The following MYH9 variants were observed in gnomAD, a reference collection of about 807,000 sequenced individuals.
The protein encoded by MYH9 is myosin-9.
A neutral mutation model predicts 241.9 loss-of-function variants in MYH9; 29 were observed. The ratio of observed to expected loss-of-function variants is 0.12; its 90% CI spans 0.09 to 0.16. MYH9 has a LOEUF of 0.16. MYH9 is among the 10% of genes least tolerant of loss of function. The pLI is 1.00. For synonymous variants in MYH9, 1,047 were observed against 1,062.6 expected (o/e 0.99, Z 0.29); for missense variants, 1,803 against 2,595.5 (o/e 0.69, Z 6.63).
At chr22:36,307,888 CAAA>C (rs1402314098) in intron 15 of MYH9, among the ~76,000 whole-genome samples, 2 of 104,934 alleles carry the variant, frequency 1.9e-5, no homozygotes, top group Non-Finnish European at 2.0e-5. Context: ...AACTCTGTCT[CAAA>C]AAAAAAAAAA....
rs1477476910 is a variant in MYH9 at position 36,294,075 on chromosome 22, C to G, written c.3837+17G>C. The G allele has an allele frequency of 6.2e-7, 1 of 1,606,320 alleles. No homozygotes were observed. Among genetic ancestry groups the G allele is most frequent in the Non-Finnish European group, 8.5e-7 (1 of 1,179,972 alleles). ...TAGGGCCCACTGCCCGCGCCAGGGT[C>G]CTGGCGGAGGCCTCACCTGCAGCTT... On this transcript the variant is annotated intron_variant, in intron 28 of 40. Coordinates refer to ENST00000216181, the MANE Select transcript of MYH9 (RefSeq NM_002473.6).
At chr22:36,350,030 A>T (rs112686138) in intron 1 of MYH9, among the ~76,000 whole-genome samples, 1 of 152,212 alleles carries the variant, frequency 6.6e-6, no homozygotes, top group Non-Finnish European at 1.5e-5. Context: ...AAAATAAAAC[A>T]TCAGTACATG....
At chr22:36,338,927 G>A (rs995970121) in intron 3 of MYH9, among the ~76,000 whole-genome samples, 1 of 152,216 alleles carries the variant, frequency 6.6e-6, no homozygotes, top group Admixed American at 6.5e-5. Flanking sequence ...AAGAGACCCT[G>A]AATTGCACAG....
Position 36,288,048 on chromosome 22 carries a change from C to T in MYH9, c.4932+204G>A, listed in dbSNP as rs1300436727. On this transcript the variant is annotated intron_variant, in intron 34 of 40. Coordinates refer to ENST00000216181, the MANE Select transcript of MYH9 (RefSeq NM_002473.6). This position sits in a 1 kb window ranked among gnomAD's most constrained non-coding sequence, Gnocchi z 4.8. ...ATGTACCCAGTCATACACCGTTTTG[C>T]AAGTTTGCTGTTGGACTATCATGTT... Among the ~76,000 whole-genome samples the T allele has an allele frequency of 2.0e-5, 3 of 152,210 alleles. No homozygotes were observed. The highest frequency in any genetic ancestry group is 4.4e-5 in the Non-Finnish European group (3 of 68,034).
At position 36,293,404 on chromosome 22, in the gene MYH9, G is replaced by C; in HGVS notation, c.4020C>G (p.Ser1340=). 1 of 1,614,050 alleles carries C rather than the reference G, an allele frequency of 6.2e-7. No individual in the cohort carries two copies. The highest frequency in any genetic ancestry group is 8.5e-7 in the Non-Finnish European group (1 of 1,180,040). ...KLKQVEDEKN[S]FREQLEEEEE... is the part of the protein sequence containing the mutation. ...CCTCCTCCTCCAGCTGCTCCCGGAA[G>C]GAATTCTTCTCGTCCTCCACCTGCT... The change falls in exon 30 of 41, where the codon TCC becomes TCG. Residue 1340 remains serine (S), a synonymous_variant. Coordinates refer to ENST00000216181, the MANE Select transcript of MYH9 (RefSeq NM_002473.6). The surrounding 1 kb of genome is among the most constrained non-coding windows in gnomAD (Gnocchi z 5.1).
intron 24 of MYH9, 55 bp downstream of exon 24, chr22:36,298,864 G>A (rs1041474723): frequency 1.6e-4 from 249 of 1,606,166 alleles, no homozygotes; most frequent in Non-Finnish European, 2.0e-4. Flanking sequence ...GCCCCTGACC[G>A]CCAGCCCTTG....
intron 5 of MYH9, among the ~76,000 whole-genome samples, chr22:36,323,694 C>T (rs1337427301): frequency 6.6e-6 from 1 of 152,146 alleles, no homozygotes; most frequent in African/African-American, 2.4e-5. Context: ...TGGAAGCCCA[C>T]CTGAGACCAC....
At chr22:36,370,503 G>A (rs2018073285) in intron 1 of MYH9, among the ~76,000 whole-genome samples, 1 of 152,214 alleles carries the variant, frequency 6.6e-6, no homozygotes, top group South Asian at 2.1e-4. Flanking sequence ...AAGACATGAA[G>A]CAGTCCGCTG....
At chr22:36,328,301 G>A (rs2017367362) in intron 3 of MYH9, among the ~76,000 whole-genome samples, 1 of 152,220 alleles carries the variant, frequency 6.6e-6, no homozygotes, top group Non-Finnish European at 1.5e-5. Flanking sequence ...AGTACAGGAG[G>A]GGCAGTAATG....
intron 1 of MYH9, among the ~76,000 whole-genome samples, chr22:36,349,880 CCA>C (rs1454303994): frequency 6.6e-6 from 1 of 152,166 alleles, no homozygotes; most frequent in African/African-American, 2.4e-5. Flanking sequence ...AGCAAAGTAG[CCA>C]CACAGTTTGG....
intron 19 of MYH9, 92 bp from the exon 20 acceptor site, chr22:36,302,768 T>TA: frequency 9.0e-7 from 1 of 1,106,262 alleles, no homozygotes; most frequent in Non-Finnish European, 1.3e-6. Flanking sequence ...TCTGGGGGTC[T>TA]ACCCTTGCCT....
At chr22:36,336,408 T>A (rs1209754752) in intron 3 of MYH9, among the ~76,000 whole-genome samples, 2 of 152,206 alleles carry the variant, frequency 1.3e-5, no homozygotes, top group African/African-American at 2.4e-5. Context: ...CCACCTGAAC[T>A]TTACAGCAGA....
chr22:36,339,908 CAAAT>C (rs2017557415), intron 3 of MYH9, among the ~76,000 whole-genome samples: 1 of 152,128 alleles, frequency 6.6e-6, no homozygotes, highest in Non-Finnish European at 1.5e-5. Flanking sequence ...ACACTGCAGT[CAAAT>C]AAAGCACTAC....
chr22:36,305,598 T>A lies in MYH9; in HGVS notation c.2159+332A>T, dbSNP rs1323387256. 1.3e-5 allele frequency among the ~76,000 whole-genome samples: 2 copies of A among 152,254 alleles called. No homozygotes were observed. Among genetic ancestry groups the A allele is most frequent in the Non-Finnish European group, 2.9e-5 (2 of 68,052 alleles). On this transcript the variant is annotated intron_variant, in intron 17 of 40. Transcript: ENST00000216181. This position sits in a 1 kb window ranked among gnomAD's most constrained non-coding sequence, Gnocchi z 4.7. ...CCGTGTTTCATTTCCACAAAGTTCC[T>A]GTAATATCCTAGGTCTCTGGCTGAT...
In MYH9 at chr22:36,320,776, A is replaced by G. The variant is rs2017237519; in HGVS notation, c.868+22T>C. ...CCCAGAGCCCGGCAGCCCCGGTGTC[A>G]GGCTGCAGGCCAACTACTCACTCTT... On this transcript the variant is annotated intron_variant, in intron 8 of 40. Coordinates refer to ENST00000216181, the MANE Select transcript of MYH9 (RefSeq NM_002473.6). This position sits in a 1 kb window ranked among gnomAD's most constrained non-coding sequence, Gnocchi z 4.8. 1.3e-6 allele frequency: 2 copies of G among 1,575,096 alleles called. No individual in the cohort carries two copies. The highest frequency in any genetic ancestry group is 2.2e-5 in the South Asian group (2 of 90,204).
chr22:36,320,563 G>A lies in MYH9; in HGVS notation c.869-200C>T, dbSNP rs535588984. 1.3e-5 allele frequency among the ~76,000 whole-genome samples: 2 copies of A among 152,292 alleles called. No individual in the cohort carries two copies. The highest frequency in any genetic ancestry group is 2.1e-4 in the South Asian group (1 of 4,830). ...CTCCCGTCTCCTGGCCCAGGAGAGCGCCAGGTCCTGTGATTTGCAGCTACA... is the reference window on the plus strand; with the variant it reads ...CTCCCGTCTCCTGGCCCAGGAGAGCACCAGGTCCTGTGATTTGCAGCTACA... On this transcript the variant is annotated intron_variant, in intron 8 of 40. Transcript: ENST00000216181. This position sits in a 1 kb window ranked among gnomAD's most constrained non-coding sequence, Gnocchi z 4.8.
chr22:36,378,231 G>A (rs1008520182), intron 1 of MYH9, among the ~76,000 whole-genome samples: 1 of 152,032 alleles, frequency 6.6e-6, no homozygotes, highest in Non-Finnish European at 1.5e-5. Flanking sequence ...TTGCTATCGC[G>A]CCACCACATT....
At position 36,322,308 on chromosome 22, in the gene MYH9, T is replaced by C. The variant is rs375444679; in HGVS notation, c.705+121A>G. ...GGCCTAGTCCACACGACAGGCCAGATAGCACCGAGTCTGAACCGTCCTCGG... is the reference window on the plus strand; with the variant it reads ...GGCCTAGTCCACACGACAGGCCAGACAGCACCGAGTCTGAACCGTCCTCGG... On this transcript the variant is annotated intron_variant, in intron 6 of 40. Coordinates refer to ENST00000216181, the MANE Select transcript of MYH9 (RefSeq NM_002473.6). 1,816 of 1,093,626 alleles carry C rather than the reference T, an allele frequency of 1.7e-3. 34 individuals carry two copies. In the South Asian group the frequency reaches 0.022, roughly 13 times the overall value. 67.7% of individuals were successfully genotyped at this position (1,093,626 alleles called of 1,614,324 possible).
chr22:36,303,897 T>C (rs2016928279), intron 19 of MYH9, 98 bp downstream of exon 19: 2 of 1,437,596 alleles, frequency 1.4e-6, no homozygotes, highest in Non-Finnish European at 1.9e-6. Flanking sequence ...GACAGGCATG[T>C]GACTGGCTGC....
Sources: allele counts gnomAD v4.1 joint callset (sites outside exome capture counted in the v4.1 genomes callset), GRCh38; gene constraint gnomAD v4.1.1; non-coding constraint Gnocchi (gnomAD v3.1); transcripts MANE v1.5; gene names NCBI Gene and HGNC (gene_info 2026-07-23, HGNC 2026-07-21).